Variants in ADGRD1 observed in about 807,000 individuals in gnomAD.
ADGRD1 encodes G-protein coupled receptor 133.
Under a neutral mutation model 113.4 loss-of-function variants are expected in ADGRD1, and 77 were observed. The observed-to-expected ratio is 0.68, with a 90% CI of 0.57 to 0.82. The LOEUF (loss-of-function observed/expected upper bound fraction) is 0.82. Among genes scored for constraint, ADGRD1 ranks in the 40% least tolerant of loss-of-function variants. The probability of loss-of-function intolerance (pLI) is 0.00; values close to 1 mark genes in which losing one functional copy is unlikely to be tolerated. For synonymous variants in ADGRD1, 474 were observed against 475.0 expected, an observed-to-expected ratio of 1.00 and a Z score of 0.03; for missense variants, 1,036 against 1,139.1, an observed-to-expected ratio of 0.91 and a Z score of 1.30.
At chr12:130,972,643 G>A (rs991860993) in intron 4 of ADGRD1, among the ~76,000 whole-genome samples, 4 of 152,060 alleles carry the variant, frequency 2.6e-5, no homozygotes, top group Admixed American at 6.6e-5. Context: ...CCATGGGCTC[G>A]GCGTGAGCTC....
intron 13 of ADGRD1, among the ~76,000 whole-genome samples, chr12:131,065,619 C>A (rs889011461): frequency 1.3e-5 from 2 of 151,984 alleles, no homozygotes; most frequent in Non-Finnish European, 2.9e-5. Context: ...GCTCTGGGTC[C>A]CTTTTGAGAC....
chr12:131,127,064 T>C (rs1950753854), intron 20 of ADGRD1, among the ~76,000 whole-genome samples: 1 of 152,010 alleles, frequency 6.6e-6, no homozygotes, highest in African/African-American at 2.4e-5. Context: ...TGTATCATCC[T>C]GATAAGATGG....
In ADGRD1 at chr12:131,003,190, C is replaced by A. The variant is rs146260772; in HGVS notation, c.1032C>A (p.Ser344Arg). Residue 344 changes from serine (S) to arginine (R), a missense_variant, in exon 10 of 25, where the codon AGC becomes AGA. By Grantham distance (110) the Ser-to-Arg change is moderately radical (BLOSUM62 -1). Transcript: ENST00000261654. This position sits in a 1 kb window ranked among gnomAD's most constrained non-coding sequence, Gnocchi z 4.8. ...LPGWIALSEDSAVVLSLIDTI... is the reference protein window; with the variant it reads ...LPGWIALSEDRAVVLSLIDTI... ...TGGTGCTTGTGTTGCTGCAGGACAG[C>A]GCCGTGGTACTGAGTCTCATCGACA... The A allele has an allele frequency of 3.9e-5, 63 of 1,612,272 alleles. No homozygotes were observed. The highest frequency in any genetic ancestry group is 5.1e-5 in the Non-Finnish European group (60 of 1,178,594).
intron 15 of ADGRD1, among the ~76,000 whole-genome samples, chr12:131,103,333 T>A (rs1254327711): frequency 2.0e-5 from 3 of 152,238 alleles, no homozygotes; most frequent in Non-Finnish European, 4.4e-5. Context: ...AAGCACTGGT[T>A]CTCAGAGAAG....
At chr12:130,963,631 G>A (rs924910047) in intron 2 of ADGRD1, among the ~76,000 whole-genome samples, 3 of 152,080 alleles carry the variant, frequency 2.0e-5, no homozygotes, top group Admixed American at 6.5e-5. Context: ...CTTAGTATTC[G>A]TCCCAGCTGT....
intron 11 of ADGRD1, among the ~76,000 whole-genome samples, chr12:131,005,729 G>A (rs1460704653): frequency 2.0e-5 from 3 of 152,094 alleles, no homozygotes; most frequent in African/African-American, 4.8e-5. Flanking sequence ...TCCCTGGGGG[G>A]TTTCAGCCTC....
chr12:131,011,884 G>A (rs1025346872), intron 12 of ADGRD1, among the ~76,000 whole-genome samples: 2 of 152,228 alleles, frequency 1.3e-5, no homozygotes, highest in African/African-American at 2.4e-5. Context: ...ACACGTCTTA[G>A]GGCCTTGGAG....
chr12:131,119,395 G>A (rs996910118), intron 19 of ADGRD1, among the ~76,000 whole-genome samples: 1 of 152,196 alleles, frequency 6.6e-6, no homozygotes, highest in South Asian at 2.1e-4. Context: ...CTTTCATTCT[G>A]GATGCTGTTA....
At chr12:131,139,024 T>A in intron 24 of ADGRD1, 144 bp from the exon 25 acceptor site, 1 of 625,494 alleles carries the variant, frequency 1.6e-6, no homozygotes, top group Non-Finnish European at 2.8e-6. Context: ...CCCAGGAGCA[T>A]GGGGGCTCCC....
chr12:130,957,058 C>A (rs181375324), intron 2 of ADGRD1: 1 of 149,832 alleles, frequency 6.7e-6, no homozygotes, highest in East Asian at 1.9e-4. Context: ...CATGTGTCCA[C>A]ATGCATCCAC....
At chr12:131,065,646 A>G (rs1884667047) in intron 13 of ADGRD1, among the ~76,000 whole-genome samples, 1 of 152,024 alleles carries the variant, frequency 6.6e-6, no homozygotes, top group African/African-American at 2.4e-5. Flanking sequence ...GGAGTCTGTG[A>G]TGGGAGGGAG....
intron 15 of ADGRD1, among the ~76,000 whole-genome samples, chr12:131,101,458 G>A (rs1306040801): frequency 7.9e-6 from 1 of 125,796 alleles, no homozygotes; most frequent in African/African-American, 3.1e-5. Flanking sequence ...CACGATTTCG[G>A]CTCACTGCAA....
At chr12:131,007,288 T>C (rs1438843848) in intron 12 of ADGRD1, among the ~76,000 whole-genome samples, 4 of 152,226 alleles carry the variant, frequency 2.6e-5, no homozygotes, top group Non-Finnish European at 4.4e-5. Flanking sequence ...TCCAGAACTC[T>C]GCCCTCACAG....
At chr12:130,997,521 A>G (rs1289382511) in intron 8 of ADGRD1, among the ~76,000 whole-genome samples, 2 of 149,908 alleles carry the variant, frequency 1.3e-5, no homozygotes, top group Non-Finnish European at 3.0e-5. Context: ...CTCACCTCCC[A>G]GATGGGGTCA....
chr12:130,980,808 G>A (rs1258592956), intron 4 of ADGRD1: 1 of 152,170 alleles, frequency 6.6e-6, no homozygotes, highest in African/African-American at 2.4e-5. Context: ...ACCCACAAAG[G>A]TACAATATCT....
At position 131,076,883 on chromosome 12, in the gene ADGRD1, T is replaced by C; in HGVS notation, c.1547+9T>C. 9 of 1,612,702 alleles carry C rather than the reference T, an allele frequency of 5.6e-6. No homozygotes were observed. Among genetic ancestry groups the C allele is most frequent in the Non-Finnish European group, 7.6e-6 (9 of 1,178,696 alleles). ...GCCTTCCTGGACTTCAGGTACCCTCTGCACAGGGGAGAGCAGGTGGGCATG... is the reference window on the plus strand; with the variant it reads ...GCCTTCCTGGACTTCAGGTACCCTCCGCACAGGGGAGAGCAGGTGGGCATG... On this transcript the variant is annotated intron_variant, in intron 14 of 24. Transcript: ENST00000261654.
At chr12:131,026,552 A>T (rs1275891981) in intron 13 of ADGRD1, 1 of 152,348 alleles carries the variant, frequency 6.6e-6, no homozygotes. Flanking sequence ...ATAGAGTGGA[A>T]TCCAGACTTT....
chr12:131,136,174 C>CGG lies in ADGRD1; in HGVS notation c.2394+14_2394+15dup. Reference sequence around the variant, plus strand: ...CTCAACTCCCTGCAGGTGAGAGCCGCGGGGACTGGCGGGGAGGCAGGGCCG... The same window carrying CGG: ...CTCAACTCCCTGCAGGTGAGAGCCGCGGGGGGACTGGCGGGGAGGCAGGGCCG... On this transcript the variant is annotated intron_variant, in intron 22 of 24. Coordinates refer to ENST00000261654, the MANE Select transcript of ADGRD1 (RefSeq NM_198827.5). The CGG allele has an allele frequency of 6.2e-7, 1 of 1,613,122 alleles. No homozygotes were observed. The highest frequency in any genetic ancestry group is 8.5e-7 in the Non-Finnish European group (1 of 1,179,690).
At chr12:131,058,178 TG>T (rs1275738246) in intron 13 of ADGRD1, among the ~76,000 whole-genome samples, 1 of 152,212 alleles carries the variant, frequency 6.6e-6, no homozygotes, top group Non-Finnish European at 1.5e-5. Flanking sequence ...TGGCAGAGTC[TG>T]GGTTTTTTAT....
Sources: allele counts gnomAD v4.1 joint callset (sites outside exome capture counted in the v4.1 genomes callset), GRCh38; gene constraint gnomAD v4.1.1; non-coding constraint Gnocchi (gnomAD v3.1); transcripts MANE v1.5; gene names NCBI Gene and HGNC (gene_info 2026-07-23, HGNC 2026-07-21).